The following APBA1 variants were observed in gnomAD, a reference collection of about 807,000 sequenced individuals.
APBA1 encodes the protein amyloid beta precursor protein binding family A member 1, also known as amyloid-beta A4 precursor protein-binding family A member 1.
In APBA1, 55 loss-of-function variants were observed where a neutral mutation model predicts 86.6. That is an observed-to-expected ratio of 0.64 (90% confidence interval 0.51 to 0.80). The LOEUF (loss-of-function observed/expected upper bound fraction) is 0.80. APBA1 is among the 30% of genes least tolerant of loss of function. APBA1 has a pLI of 0.00. For synonymous variants in APBA1, 511 were observed against 493.9 expected (o/e 1.03, Z -0.46); for missense variants, 1,090 against 1,183.0 (o/e 0.92, Z 1.15).
intron 1 of APBA1, among the ~76,000 whole-genome samples, chr9:69,581,876 G>C (rs527707666): frequency 2.0e-5 from 3 of 152,096 alleles, no homozygotes; most frequent in Non-Finnish European, 4.4e-5. Flanking sequence ...CATTTTGTGA[G>C]GGCACACTGT....
intron 1 of APBA1, among the ~76,000 whole-genome samples, chr9:69,596,941 T>G (rs181728832): frequency 6.6e-6 from 1 of 152,218 alleles, no homozygotes. Flanking sequence ...CTGAATTACA[T>G]GCAGCAGCTC....
chr9:69,530,295 G>T (rs1375046698), intron 1 of APBA1, among the ~76,000 whole-genome samples: 7 of 123,286 alleles, frequency 5.7e-5, no homozygotes, highest in African/African-American at 1.9e-4. Context: ...TAAGAAAAAA[G>T]TTGTGTGTGT....
rs117657204 is a variant in APBA1, at chr9:69,498,819, T to C, written c.1200+17192A>G. ...CATAGCTTTGAGGCCATATTTCTTATTCCTTTATGTAGCTAGTGTTCAATG... is the reference window on the plus strand; with the variant it reads ...CATAGCTTTGAGGCCATATTTCTTACTCCTTTATGTAGCTAGTGTTCAATG... On this transcript the variant is annotated intron_variant, in intron 2 of 12. Coordinates refer to ENST00000265381, the MANE Select transcript of APBA1 (RefSeq NM_001163.4). 2.8e-3 allele frequency among the ~76,000 whole-genome samples: 421 copies of C among 152,300 alleles called. 3 individuals are homozygous for C. Among genetic ancestry groups the C allele is most frequent in the Non-Finnish European group, 5.1e-3 (349 of 68,036 alleles).
At chr9:69,471,412 C>T (rs905363663) in intron 4 of APBA1, among the ~76,000 whole-genome samples, 4 of 152,120 alleles carry the variant, frequency 2.6e-5, no homozygotes, top group Admixed American at 2.0e-4. Context: ...TGGGTAAAGC[C>T]CACAGCTTCG....
intron 2 of APBA1, among the ~76,000 whole-genome samples, chr9:69,493,036 C>G (rs1835739073): frequency 6.6e-6 from 1 of 152,056 alleles, no homozygotes; most frequent in Admixed American, 6.5e-5. Flanking sequence ...AGTGACTAAG[C>G]AGCCAATATG....
At position 69,452,198 on chromosome 9, in the gene APBA1, T is replaced by A; in HGVS notation, c.1892A>T (p.Tyr631Phe). 1 of 1,614,222 alleles carries A rather than the reference T, an allele frequency of 6.2e-7. No homozygotes were observed. Among genetic ancestry groups the A allele is most frequent in the East Asian group, 2.2e-5 (1 of 44,884 alleles). Reference protein sequence around the residue: ...INPEDLSQKEYSDLLNTQDMY... With the variant: ...INPEDLSQKEFSDLLNTQDMY... The stretch of plus-strand genomic sequence containing the variant: ...GTCCTGGGTATTGAGCAGGTCACTA[T>A]ACTCCTTCTGGCTGAGATCTTCGGG... The change falls in exon 9 of 13, where the codon TAT (tyrosine) becomes TTT (phenylalanine). Residue 631 changes from tyrosine (Y) to phenylalanine (F), a missense_variant. Around this residue, in one of 6 missense-constraint regions of APBA1, gnomAD observed 97 missense variants for 166.8 expected, o/e 0.58. Transcript: ENST00000265381.
At chr9:69,565,808 C>T (rs986637658) in intron 1 of APBA1, among the ~76,000 whole-genome samples, 4 of 152,218 alleles carry the variant, frequency 2.6e-5, no homozygotes, top group Admixed American at 2.6e-4. Context: ...TTCTCCTCCC[C>T]TGTCTTTGCT....
chr9:69,576,763 A>G (rs926570936), intron 1 of APBA1, among the ~76,000 whole-genome samples: 4 of 152,142 alleles, frequency 2.6e-5, no homozygotes, highest in Non-Finnish European at 5.9e-5. Context: ...GTTAAATGAT[A>G]AGTTAATGGG....
chr9:69,638,900 C>T (rs988763576), intron 1 of APBA1, among the ~76,000 whole-genome samples: 1 of 151,870 alleles, frequency 6.6e-6, no homozygotes, highest in African/African-American at 2.4e-5. Flanking sequence ...ATTTTGAAAA[C>T]TAAAAATTAA....
chr9:69,572,723 C>T (rs948089533), intron 1 of APBA1, among the ~76,000 whole-genome samples: 24 of 152,160 alleles, frequency 1.6e-4, no homozygotes, highest in Admixed American at 1.4e-3. Context: ...CTCTCTCTTC[C>T]ACTAAACTGA....
intron 1 of APBA1, among the ~76,000 whole-genome samples, chr9:69,590,169 T>C (rs1822103015): frequency 6.6e-6 from 1 of 152,228 alleles, no homozygotes; most frequent in African/African-American, 2.4e-5. Context: ...CAAGATGTAC[T>C]ATCAATGTTT....
In APBA1 at chr9:69,431,354, C is replaced by A. The variant is rs147421033; in HGVS notation, c.2487G>T (p.Thr829=). 2 of 1,612,594 alleles carry A rather than the reference C, an allele frequency of 1.2e-6. No homozygotes were observed. The highest frequency in any genetic ancestry group is 1.3e-5 in the African/African-American group (1 of 74,954). ...TMPAAMYRLL[T]AQEQPVYI is the part of the protein sequence containing the mutation. ...AGATGTAAACAGGCTGCTCCTGGGC[C>A]GTCAGCAGCCTGTACATCGCGGCTG... Residue 829 remains threonine, a synonymous_variant, in exon 13 of 13, where the codon ACG becomes ACT. Transcript: ENST00000265381.
At chr9:69,672,087 G>C (rs1407185223) in intron 1 of APBA1, 66 bp downstream of exon 1, 1 of 153,054 alleles carries the variant, frequency 6.5e-6, no homozygotes, top group Middle Eastern at 3.1e-3. Context: ...CGAGGACCCG[G>C]GCTCCGTCGG....
intron 1 of APBA1, among the ~76,000 whole-genome samples, chr9:69,545,614 G>A (rs1245110425): frequency 6.6e-6 from 1 of 152,174 alleles, no homozygotes; most frequent in Non-Finnish European, 1.5e-5. Context: ...TGTTCAATCT[G>A]TCTCTCCCTC....
intron 1 of APBA1, among the ~76,000 whole-genome samples, chr9:69,537,349 A>C (rs994676638): frequency 6.6e-6 from 1 of 152,036 alleles, no homozygotes; most frequent in Non-Finnish European, 1.5e-5. Flanking sequence ...TCACCTCTGC[A>C]CTAAGTAGAT....
In APBA1 at chr9:69,431,322, C is replaced by T. The variant is rs201475015; in HGVS notation, c.*5G>A. 3.9e-5 allele frequency: 62 copies of T among 1,599,126 alleles called. No individual in the cohort carries two copies. Among genetic ancestry groups the T allele is most frequent in the Admixed American group, 3.9e-4 (22 of 56,936 alleles). ...CTCCATGCATGCCACCGCGTGTGGC[C>T]GCGGTCAGATGTAAACAGGCTGCTC... On this transcript the variant is annotated 3_prime_UTR_variant, in exon 13 of 13. Coordinates refer to ENST00000265381, the MANE Select transcript of APBA1 (RefSeq NM_001163.4).
intron 1 of APBA1, among the ~76,000 whole-genome samples, chr9:69,544,616 T>A (rs1221309581): frequency 2.0e-5 from 3 of 152,228 alleles, no homozygotes; most frequent in Admixed American, 1.3e-4. Flanking sequence ...TTTTGCATAA[T>A]AGGGACTCCT....
At chr9:69,458,884 G>A (rs755850246) in intron 5 of APBA1, among the ~76,000 whole-genome samples, 10 of 151,056 alleles carry the variant, frequency 6.6e-5, no homozygotes, top group South Asian at 4.2e-4. Flanking sequence ...TTGGCTCACC[G>A]CAACCTCTGC....
Position 69,598,264 on chromosome 9 carries a change from C to G in APBA1, c.-70+73889G>C, listed in dbSNP as rs181473318. On this transcript the variant is annotated intron_variant, in intron 1 of 12. Coordinates refer to ENST00000265381, the MANE Select transcript of APBA1 (RefSeq NM_001163.4). ...CACATGGACACAGGAAGGGGAATAT[C>G]ACACTCTGGGGACTGTGGTGGGGTG... Among the ~76,000 whole-genome samples, 486 of 151,308 alleles carry G rather than the reference C, an allele frequency of 3.2e-3. 2 individuals carry two copies. The highest frequency in any genetic ancestry group is 0.011 in the African/African-American group (463 of 41,162).
Sources: allele counts gnomAD v4.1 joint callset (sites outside exome capture counted in the v4.1 genomes callset), GRCh38; gene constraint gnomAD v4.1.1; regional missense constraint gnomAD v4.1.1; transcripts MANE v1.5; gene names NCBI Gene and HGNC (gene_info 2026-07-23, HGNC 2026-07-21).